BMPER: variants seen among roughly 807,000 people sequenced by gnomAD.
BMPER encodes BMP binding endothelial regulator, also known as BMP-binding endothelial regulator protein.
Under a neutral mutation model 87.3 loss-of-function variants are expected in BMPER, and 45 were observed. The observed-to-expected ratio is 0.52, with a 90% CI of 0.41 to 0.66. BMPER has a LOEUF of 0.66. Among genes scored for constraint, BMPER ranks in the 30% least tolerant of loss-of-function variants. The probability of loss-of-function intolerance (pLI) is 0.00; values close to 1 mark genes in which losing one functional copy is unlikely to be tolerated. For synonymous variants in BMPER, 326 were observed against 316.2 expected, an observed-to-expected ratio of 1.03 and a Z score of -0.33; for missense variants, 784 against 867.5, an observed-to-expected ratio of 0.90 and a Z score of 1.21.
intron 7 of BMPER, among the ~76,000 whole-genome samples, chr7:34,047,824 C>CTTCCTTCCT (rs1312499057): frequency 1.1e-4 from 7 of 64,750 alleles, no homozygotes; most frequent in Non-Finnish European, 1.9e-4. Context: ...CCTCACTTTC[C>CTTCCTTCCT]TACTTTCTTG....
chr7:33,949,687 T>C (rs767013705), intron 3 of BMPER, among the ~76,000 whole-genome samples: 6 of 152,156 alleles, frequency 3.9e-5, no homozygotes, highest in Non-Finnish European at 7.4e-5. Context: ...AATGCTTGCA[T>C]AGATGTTTTA....
rs140606231 is a variant in BMPER at position 34,143,429 on chromosome 7, C to T, written c.1876+69C>T. On this transcript the variant is annotated intron_variant, in intron 14 of 14. Coordinates refer to ENST00000649409, the MANE Select transcript of BMPER (RefSeq NM_001365308.1). ...ATGCCCAAGATGGCAATGGAGGAGA[C>T]TTGTGGATGCTGACATGAGTGGCCA... 3.1e-4 allele frequency: 490 copies of T among 1,597,622 alleles called. 1 individual carries two copies. In the East Asian group the frequency reaches 0.011, roughly 34 times the overall value.
intron 6 of BMPER, among the ~76,000 whole-genome samples, chr7:34,002,023 A>G (rs1218534687): frequency 6.6e-6 from 1 of 151,710 alleles, no homozygotes; most frequent in African/African-American, 2.4e-5. Flanking sequence ...AAATTAGAGA[A>G]CATATTTTTA....
intron 6 of BMPER, among the ~76,000 whole-genome samples, chr7:33,999,917 A>G (rs1041708507): frequency 6.6e-6 from 1 of 152,242 alleles, no homozygotes; most frequent in African/African-American, 2.4e-5. Context: ...CACTACGCTC[A>G]GAAATGAAGT....
intron 8 of BMPER, among the ~76,000 whole-genome samples, chr7:34,054,381 A>G (rs1788225444): frequency 6.6e-6 from 1 of 152,222 alleles, no homozygotes; most frequent in African/African-American, 2.4e-5. Context: ...TAAACAAGAA[A>G]TCAAGATATG....
At chr7:34,060,351 C>T (rs757683026) in intron 10 of BMPER, among the ~76,000 whole-genome samples, 3 of 152,064 alleles carry the variant, frequency 2.0e-5, no homozygotes, top group Admixed American at 6.6e-5. Context: ...CTCTTGGGGC[C>T]GTCATTCCCT....
chr7:34,007,281 G>A (rs918953319), intron 6 of BMPER, among the ~76,000 whole-genome samples: 1 of 151,954 alleles, frequency 6.6e-6, no homozygotes, highest in South Asian at 2.1e-4. Context: ...TGCTCTTAAG[G>A]GGCTTTGAAT....
intron 6 of BMPER, among the ~76,000 whole-genome samples, chr7:34,027,464 G>C (rs543553529): frequency 5.3e-5 from 8 of 152,054 alleles, no homozygotes; most frequent in Non-Finnish European, 1.2e-4. Context: ...TTTATTAAAT[G>C]TTACTCTTGA....
At chr7:34,036,842 G>C (rs1355080736) in intron 6 of BMPER, among the ~76,000 whole-genome samples, 3 of 152,122 alleles carry the variant, frequency 2.0e-5, no homozygotes. Context: ...GAAAGCCTGA[G>C]TTGGTGGAAG....
At chr7:34,080,411 A>G (rs954506094) in intron 12 of BMPER, among the ~76,000 whole-genome samples, 5 of 152,352 alleles carry the variant, frequency 3.3e-5, no homozygotes, top group South Asian at 2.1e-4. Context: ...TAGTTAGAGT[A>G]TGACATGTTT....
At chr7:33,957,235 G>T (rs1270490868) in intron 3 of BMPER, among the ~76,000 whole-genome samples, 1 of 151,578 alleles carries the variant, frequency 6.6e-6, no homozygotes, top group Non-Finnish European at 1.5e-5. Flanking sequence ...ACCAACTGTG[G>T]TATATCCATA....
At chr7:34,130,330 G>A (rs1433303596) in intron 13 of BMPER, among the ~76,000 whole-genome samples, 1 of 152,088 alleles carries the variant, frequency 6.6e-6, no homozygotes, top group Admixed American at 6.5e-5. Flanking sequence ...CACTTCAGGA[G>A]GATTGTTGGC....
intron 2 of BMPER, among the ~76,000 whole-genome samples, chr7:33,925,347 A>G (rs1301822607): frequency 6.6e-6 from 1 of 152,150 alleles, no homozygotes; most frequent in Non-Finnish European, 1.5e-5. Context: ...CGTAGCTTAC[A>G]TTATTTTGGG....
intron 6 of BMPER, among the ~76,000 whole-genome samples, chr7:34,030,801 G>A (rs546719309): frequency 5.3e-5 from 8 of 151,956 alleles, no homozygotes; most frequent in African/African-American, 1.4e-4. Context: ...ACAGGGTCTC[G>A]CTATGTTGCC....
At chr7:33,914,256 C>T (rs551557385) in intron 2 of BMPER, among the ~76,000 whole-genome samples, 36 of 152,274 alleles carry the variant, frequency 2.4e-4, no homozygotes, top group Non-Finnish European at 4.3e-4. Context: ...TGAGCCACCG[C>T]GCCCGGCCTT....
chr7:34,121,575 A>G (rs377659595), intron 13 of BMPER, among the ~76,000 whole-genome samples: 3 of 152,198 alleles, frequency 2.0e-5, no homozygotes, highest in Non-Finnish European at 2.9e-5. Context: ...GGTCATGATT[A>G]TTAAACAAGA....
At chr7:34,029,155 A>T (rs1301780834) in intron 6 of BMPER, among the ~76,000 whole-genome samples, 5 of 152,058 alleles carry the variant, frequency 3.3e-5, no homozygotes, top group African/African-American at 1.2e-4. Flanking sequence ...ATTGTGCTAG[A>T]CACTGGGATA....
At chr7:34,093,006 T>A (rs1789431652) in intron 13 of BMPER, among the ~76,000 whole-genome samples, 1 of 152,178 alleles carries the variant, frequency 6.6e-6, no homozygotes, top group African/African-American at 2.4e-5. Context: ...AAGGGCACAG[T>A]CCACACAGGA....
intron 2 of BMPER, among the ~76,000 whole-genome samples, chr7:33,932,537 G>A (rs1784507191): frequency 6.6e-6 from 1 of 152,204 alleles, no homozygotes; most frequent in African/African-American, 2.4e-5. Flanking sequence ...GTCTTGTGTT[G>A]ATCTTCAACA....
Sources: allele counts gnomAD v4.1 joint callset (sites outside exome capture counted in the v4.1 genomes callset), GRCh38; gene constraint gnomAD v4.1.1; transcripts MANE v1.5; gene names NCBI Gene and HGNC (gene_info 2026-07-23, HGNC 2026-07-21).